TANGO6: variants seen among roughly 807,000 people sequenced by gnomAD.
The protein encoded by TANGO6 is transport and Golgi organization protein 6 homolog.
In TANGO6, 90 loss-of-function variants were observed where a neutral mutation model predicts 114.2. The observed-to-expected ratio is 0.79, with a 90% confidence interval of 0.66 to 0.94. The LOEUF is 0.94. TANGO6 is among the 40% of genes least tolerant of loss of function. The pLI is 0.00. For missense variants in TANGO6, 1,274 were observed against 1,315.3 expected (o/e 0.97, Z 0.49); for synonymous variants, 477 against 509.8 (o/e 0.94, Z 0.87).
At chr16:69,007,560 C>T (rs527640411) in intron 15 of TANGO6, among the ~76,000 whole-genome samples, 8 of 152,016 alleles carry the variant, frequency 5.3e-5, no homozygotes, top group Non-Finnish European at 1.2e-4. Context: ...CCACTGTGCC[C>T]GGCCTGGATA....
chr16:69,075,067 C>T (rs1960354285), intron 17 of TANGO6, among the ~76,000 whole-genome samples: 1 of 151,842 alleles, frequency 6.6e-6, no homozygotes, highest in Admixed American at 6.6e-5. Flanking sequence ...GTCTCGAACT[C>T]CTGAGCTCAG....
chr16:68,891,814 G>A (rs1031154896), intron 7 of TANGO6, among the ~76,000 whole-genome samples: 3 of 149,724 alleles, frequency 2.0e-5, no homozygotes, highest in Admixed American at 6.8e-5. Flanking sequence ...AGGAAGGGAA[G>A]GACGGAGGGG....
In TANGO6 at chr16:68,878,152, C is replaced by T. The variant is rs1962398330; in HGVS notation, c.1166C>T (p.Thr389Ile). ...TTATTTCACTTTCAAGATAAATTGA[C>T]AGCACGACAATTTCAGAGAGTTGCC... ...LDLFHFQDKL[T>I]ARQFQRVATT... The change falls in exon 6 of 18, where the codon ACA (threonine) becomes ATA (isoleucine). Residue 389 changes from threonine to isoleucine, a missense_variant. By Grantham distance (89) the Thr-to-Ile change is moderately conservative. Transcript: ENST00000261778. 1.2e-6 allele frequency: 2 copies of T among 1,610,570 alleles called. No homozygotes were observed. The highest frequency in any genetic ancestry group is 1.7e-6 in the Non-Finnish European group (2 of 1,178,824).
intron 1 of TANGO6, among the ~76,000 whole-genome samples, chr16:68,858,350 C>T (rs952811876): frequency 1.3e-5 from 2 of 152,172 alleles, no homozygotes; most frequent in Non-Finnish European, 2.9e-5. Context: ...AGGCGTGAGC[C>T]ACCGCGCCCA....
intron 17 of TANGO6, among the ~76,000 whole-genome samples, chr16:69,057,140 G>A (rs866048647): frequency 1.3e-5 from 2 of 148,468 alleles, no homozygotes; most frequent in Admixed American, 6.9e-5. Context: ...TCAGCCTCCC[G>A]ATTAGCTGGA....
At chr16:69,038,213 G>C (rs1414089264) in intron 16 of TANGO6, among the ~76,000 whole-genome samples, 1 of 151,942 alleles carries the variant, frequency 6.6e-6, no homozygotes, top group African/African-American at 2.4e-5. Flanking sequence ...CAGATCACCT[G>C]GGTCAGGAGT....
intron 1 of TANGO6, among the ~76,000 whole-genome samples, chr16:68,858,577 C>CT (rs1436845798): frequency 1.2e-4 from 19 of 152,130 alleles, no homozygotes; most frequent in African/African-American, 4.3e-4. Flanking sequence ...ATGTCCCAGG[C>CT]TTAAGCAGTC....
intron 15 of TANGO6, among the ~76,000 whole-genome samples, chr16:69,008,286 G>T (rs1043476757): frequency 2.6e-5 from 4 of 152,064 alleles, no homozygotes; most frequent in African/African-American, 9.7e-5. Flanking sequence ...AAGCACAAAG[G>T]TTTTTAATTT....
At chr16:68,914,453 C>T (rs541248780) in intron 11 of TANGO6, among the ~76,000 whole-genome samples, 3 of 152,304 alleles carry the variant, frequency 2.0e-5, no homozygotes, top group East Asian at 1.9e-4. Context: ...TGACCCACCG[C>T]GCCTGGACTT....
intron 12 of TANGO6, among the ~76,000 whole-genome samples, chr16:68,922,943 T>TTTC (rs1963115378): frequency 7.3e-6 from 1 of 136,430 alleles, no homozygotes; most frequent in African/African-American, 2.8e-5. Flanking sequence ...GGTCATGTTT[T>TTTC]TTTTTTTTTT....
chr16:69,014,684 C>T (rs1197170576), intron 15 of TANGO6, among the ~76,000 whole-genome samples: 1 of 151,850 alleles, frequency 6.6e-6, no homozygotes, highest in African/African-American at 2.4e-5. Context: ...CACTTGAGCC[C>T]AGGAGTTCGA....
chr16:69,047,173 T>C, intron 17 of TANGO6, among the ~76,000 whole-genome samples: 2 of 116,254 alleles, frequency 1.7e-5, no homozygotes. Flanking sequence ...AGAGTGAGAC[T>C]CTGTCTCAAA....
In TANGO6 at chr16:69,045,487, T is replaced by G. The variant is rs1319784431; in HGVS notation, c.3108+5066T>G. ...GGCTGGGTGCAGTGACTTATGCCTG[T>G]AATCCCAGCGCTTTGGAAGGCCAAG... is the stretch of plus-strand genomic sequence containing the variant. On this transcript the variant is annotated intron_variant, in intron 17 of 17. Coordinates refer to ENST00000261778, the MANE Select transcript of TANGO6 (RefSeq NM_024562.2). 2.1e-5 allele frequency among the ~76,000 whole-genome samples: 3 copies of G among 146,006 alleles called. No individual in the cohort carries two copies. In the Admixed American group the frequency reaches 2.1e-4, roughly 10 times the overall value.
chr16:68,984,711 G>A (rs1206602607), intron 15 of TANGO6, among the ~76,000 whole-genome samples: 3 of 151,870 alleles, frequency 2.0e-5, no homozygotes, highest in Non-Finnish European at 4.4e-5. Context: ...TTGTAGATGT[G>A]GGGTCTCACT....
chr16:68,890,267 A>G (rs556520235), intron 7 of TANGO6, among the ~76,000 whole-genome samples: 8 of 152,364 alleles, frequency 5.3e-5, no homozygotes, highest in Admixed American at 5.2e-4. Flanking sequence ...AGCATCAAAC[A>G]TATAAAACAT....
At chr16:68,868,432 A>G (rs1789917280) in intron 4 of TANGO6, among the ~76,000 whole-genome samples, 1 of 150,982 alleles carries the variant, frequency 6.6e-6, no homozygotes, top group Non-Finnish European at 1.5e-5. Context: ...TCCCATTTCT[A>G]GAAGCAACTG....
chr16:69,045,922 G>T (rs1168151304), intron 17 of TANGO6, among the ~76,000 whole-genome samples: 1 of 151,106 alleles, frequency 6.6e-6, no homozygotes, highest in African/African-American at 2.4e-5. Context: ...AAATTAGCCG[G>T]GCGTGGTGTC....
intron 14 of TANGO6, among the ~76,000 whole-genome samples, chr16:68,958,592 C>T (rs1217192221): frequency 6.6e-6 from 1 of 151,658 alleles, no homozygotes; most frequent in Non-Finnish European, 1.5e-5. Flanking sequence ...GAAAAAAAAC[C>T]TCTTTTAATT....
chr16:68,867,422 AACACTTGTGAT>A, intron 4 of TANGO6: 1 of 572,638 alleles, frequency 1.7e-6, no homozygotes, highest in East Asian at 3.0e-5. Flanking sequence ...CTTTTCCTAA[AACACTTGTGAT>A]ACACTGCCTA....
Sources: allele counts gnomAD v4.1 joint callset (sites outside exome capture counted in the v4.1 genomes callset), GRCh38; gene constraint gnomAD v4.1.1; transcripts MANE v1.5; gene names NCBI Gene and HGNC (gene_info 2026-07-23, HGNC 2026-07-21).